NDRG4: variants seen among roughly 807,000 people sequenced by gnomAD.
NDRG4 encodes the protein NDRG family member 4.
A neutral mutation model predicts 55.8 loss-of-function variants in NDRG4; 38 were observed. The ratio of observed to expected loss-of-function variants is 0.68; its 90% CI spans 0.53 to 0.89. The LOEUF (loss-of-function observed/expected upper bound fraction) is 0.89, where lower values mean the gene tolerates loss of function less well. Ranked by LOEUF, NDRG4 falls within the 40% of genes least tolerant of loss-of-function variation. The pLI is 0.00. For missense variants in NDRG4, 455 were observed against 468.6 expected (o/e 0.97, Z 0.27); for synonymous variants, 190 against 182.7 (o/e 1.04, Z -0.32).
At chr16:58,488,673 G>A (rs9937700) in intron 2 of NDRG4, among the ~76,000 whole-genome samples, 1,870 of 152,202 alleles carry the variant, frequency 0.012, 36 homozygotes, top group African/African-American at 0.043. Context: ...TCACCAGGAG[G>A]GGAGCCCAGG....
Position 58,464,386 on chromosome 16 carries a change from TGCCCCGACGCCGCCACCCAGAGCC to T in NDRG4, c.-24+591_-24+614del. The stretch of plus-strand genomic sequence containing the variant: ...CTCTCCCCGGCTCGGCCGAGCGCGC[TGCCCCGACGCCGCCACCCAGAGCC>T]GGGCCGCGCCGGGCGCCGAGATGAA... On this transcript the variant is annotated intron_variant, in intron 1 of 15. Coordinates refer to the NDRG4 transcript ENST00000258187. The surrounding 1 kb of genome is among the most constrained non-coding windows in gnomAD (Gnocchi z 4.8). 7.3e-7 allele frequency: 1 copy of T among 1,368,582 alleles called. No individual in the cohort carries two copies. Among genetic ancestry groups the T allele is most frequent in the Non-Finnish European group, 9.4e-7 (1 of 1,065,064 alleles). The allele number at this position is 1,368,582 out of a possible 1,614,324, so 84.8% of individuals were successfully genotyped here.
intron 2 of NDRG4, among the ~76,000 whole-genome samples, chr16:58,493,754 A>T (rs899576440): frequency 1.1e-4 from 17 of 152,210 alleles, no homozygotes; most frequent in African/African-American, 3.9e-4. Context: ...TTCTAGGCAG[A>T]CGCAGGGGAA....
At chr16:58,511,064 G>C (rs932842647) in intron 14 of NDRG4, 6 of 470,484 alleles carry the variant, frequency 1.3e-5, no homozygotes, top group Non-Finnish European at 2.3e-5. Flanking sequence ...TAGGGAATTA[G>C]GGCACAGTCT....
intron 1 of NDRG4, among the ~76,000 whole-genome samples, chr16:58,479,215 C>T (rs1004591664): frequency 6.6e-6 from 1 of 152,198 alleles, no homozygotes; most frequent in East Asian, 1.9e-4. Context: ...TATTTTTACA[C>T]ATTATTTGGT....
intron 1 of NDRG4, among the ~76,000 whole-genome samples, chr16:58,482,446 G>C (rs1320002558): frequency 6.6e-6 from 1 of 151,998 alleles, no homozygotes; most frequent in East Asian, 1.9e-4. Flanking sequence ...TTCAGTTCTA[G>C]CGTTTCTCAC....
In NDRG4 at chr16:58,492,543, T is replaced by A. The variant is rs1403568020; in HGVS notation, c.73-2421T>A. Among the ~76,000 whole-genome samples, 550 of 61,532 alleles carry A rather than the reference T, an allele frequency of 8.9e-3. 5 individuals carry two copies. The highest frequency in any genetic ancestry group is 0.039 in the African/African-American group (525 of 13,464). The allele number at this position is 61,532 out of a possible 152,430, so 40.4% of individuals were successfully genotyped here. ...GTGTGTGTGTGTGTGTGTGTGTGTG[T>A]GTGTGTGTGAGAGACAGACAGACAG... On this transcript the variant is annotated intron_variant, in intron 2 of 15. Transcript: ENST00000258187.
chr16:58,508,732 G>A lies in NDRG4; in HGVS notation c.730-230G>A, dbSNP rs2038381525. Among the ~76,000 whole-genome samples, 9 of 152,194 alleles carry A rather than the reference G, an allele frequency of 5.9e-5. No homozygotes were observed. In the South Asian group the frequency reaches 1.9e-3, roughly 31 times the overall value. ...TGACTCCCACTCCTAGCAGTTGTGA[G>A]TGGGCTCCAAGGGTCCCAGGCCCTT... On this transcript the variant is annotated intron_variant, in intron 10 of 14. Transcript: ENST00000570248.
rs2037589926 is a variant in NDRG4, at chr16:58,504,507, G to C, written c.312-82G>C. The C allele has an allele frequency of 1.9e-6, 3 of 1,611,844 alleles. No individual in the cohort carries two copies. In the South Asian group the frequency reaches 3.3e-5, roughly 18 times the overall value. On this transcript the variant is annotated intron_variant, in intron 4 of 14. Coordinates refer to ENST00000570248, the MANE Select transcript of NDRG4 (RefSeq NM_001242835.2). ...ACCTGGCTCCAGCTGAGGGCTTCAG[G>C]CTATGGGCAGGGCCTGCTCTGGATG... is the stretch of plus-strand genomic sequence containing the variant.
chr16:58,485,821 A>G (rs1398160473), intron 1 of NDRG4, among the ~76,000 whole-genome samples: 1 of 152,166 alleles, frequency 6.6e-6, no homozygotes, highest in African/African-American at 2.4e-5. Flanking sequence ...ATTATATTAA[A>G]TAATATTTTA....
chr16:58,505,121 G>T (rs1397326541), intron 5 of NDRG4, among the ~76,000 whole-genome samples: 1 of 152,120 alleles, frequency 6.6e-6, no homozygotes, highest in Admixed American at 6.6e-5. Flanking sequence ...AGGCCAAGGT[G>T]GGCAGATCAC....
At chr16:58,490,175 T>A (rs1048345827) in intron 2 of NDRG4, among the ~76,000 whole-genome samples, 1 of 152,172 alleles carries the variant, frequency 6.6e-6, no homozygotes, top group East Asian at 1.9e-4. Flanking sequence ...AAAGCAGAGT[T>A]CTCCTGTGAG....
chr16:58,514,738 A>C (rs1251723765), downstream of NDRG4, among the ~76,000 whole-genome samples: 2 of 109,228 alleles, frequency 1.8e-5, no homozygotes, highest in Non-Finnish European at 3.4e-5. Context: ...CCGTCTCCCC[A>C]ACGCGCCAAA....
In NDRG4 at chr16:58,506,694, G is replaced by T. The variant is rs1267702090; in HGVS notation, c.516+80G>T. 3.4e-6 allele frequency: 5 copies of T among 1,477,722 alleles called. No homozygotes were observed. The African/African-American group carries it at 7.1e-5, about 21-fold the overall frequency. The allele number at this position is 1,477,722 out of a possible 1,614,324, so 91.5% of individuals were successfully genotyped here. The stretch of plus-strand genomic sequence containing the variant: ...CTGGCTCGGTAGGAGGCAGGCGGGT[G>T]TCTTTGGCATCTGACCTGGCTCACT... On this transcript the variant is annotated intron_variant, in intron 7 of 14. Transcript: ENST00000570248.
intron 1 of NDRG4, chr16:58,501,313 G>T: frequency 2.6e-6 from 1 of 381,130 alleles, no homozygotes; most frequent in Non-Finnish European, 4.6e-6. Flanking sequence ...CGCAAAGCCC[G>T]GCTCAAAGCC....
chr16:58,492,842 A>G (rs2035963184), intron 2 of NDRG4, among the ~76,000 whole-genome samples: 1 of 152,044 alleles, frequency 6.6e-6, no homozygotes, highest in Non-Finnish European at 1.5e-5. Flanking sequence ...TCTTTGAGTG[A>G]GAGATTCATG....
Position 58,504,571 on chromosome 16 carries a change from C to G in NDRG4, c.312-18C>G, listed in dbSNP as rs753026849. ...ATGGCACCCCTAGCCCTAGAGTGAC[C>G]AGCCTGCTCTGCACCAGGTTCAAGT... On this transcript the variant is annotated intron_variant, in intron 4 of 14. Transcript: ENST00000570248. The G allele has an allele frequency of 1.2e-6, 2 of 1,614,168 alleles. No homozygotes were observed. Among genetic ancestry groups the G allele is most frequent in the South Asian group, 2.2e-5 (2 of 91,082 alleles).
chr16:58,476,900 A>G (rs1455154991), intron 1 of NDRG4, among the ~76,000 whole-genome samples: 2 of 152,148 alleles, frequency 1.3e-5, no homozygotes, highest in African/African-American at 2.4e-5. Context: ...AGTACAAAAA[A>G]ACCCCTGAAT....
chr16:58,467,794 G>A (rs1237270681), intron 1 of NDRG4, among the ~76,000 whole-genome samples: 2 of 152,310 alleles, frequency 1.3e-5, no homozygotes. Context: ...GTGTGTGAGC[G>A]TGTGCAAGAC....
In NDRG4 at chr16:58,505,465, G is replaced by A. The variant is rs552993537; in HGVS notation, c.372+816G>A. On this transcript the variant is annotated intron_variant, in intron 5 of 14. Coordinates refer to ENST00000570248, the MANE Select transcript of NDRG4 (RefSeq NM_001242835.2). ...CCCAAAAGACTAATTTTTCACGATC[G>A]AAGACATTTACTACTTCAAAAGAAA... 1.3e-4 allele frequency among the ~76,000 whole-genome samples: 19 copies of A among 145,648 alleles called. No homozygotes were observed. In the East Asian group the frequency reaches 3.6e-3, roughly 27 times the overall value.
Sources: gnomAD v4.1 joint callset for allele counts (sites outside exome capture counted in the v4.1 genomes callset) on GRCh38, gnomAD v4.1.1 for gene constraint, Gnocchi (gnomAD v3.1) non-coding constraint, MANE v1.5 for transcripts, NCBI Gene and HGNC (gene_info 2026-07-23, HGNC 2026-07-21) for gene names.